Variants in PPIP5K2 observed in about 807,000 individuals in gnomAD.
PPIP5K2 encodes inositol hexakisphosphate and diphosphoinositol-pentakisphosphate kinase 2.
In PPIP5K2, 105 loss-of-function variants were observed where a neutral mutation model predicts 154.6. The observed-to-expected ratio is 0.68, with a 90% CI of 0.58 to 0.80. PPIP5K2 has a LOEUF of 0.80. Ranked by LOEUF, PPIP5K2 falls within the 30% of genes least tolerant of loss-of-function variation. PPIP5K2 has a pLI of 0.00. For synonymous variants in PPIP5K2, 480 were observed against 490.3 expected (o/e 0.98, Z 0.28); for missense variants, 992 against 1,504.6 (o/e 0.66, Z 5.64).
At position 103,207,110 on chromosome 5, in the gene PPIP5K2, T is replaced by C. The variant is rs1803559956; in HGVS notation, c.*5476T>C. On this transcript the variant is annotated 3_prime_UTR_variant, in exon 31 of 31. Transcript: ENST00000358359. ...AGCCCAGGGGGTCCTGAGCACCAGA[T>C]ACAACTCCCTCCAGAGACTGGCTGT... The C allele has an allele frequency of 6.6e-6, 1 of 152,188 alleles. No individual in the cohort carries two copies. Among genetic ancestry groups the C allele is most frequent in the Non-Finnish European group, 1.5e-5 (1 of 68,102 alleles). 9.4% of individuals were successfully genotyped at this position (152,188 alleles called of 1,614,324 possible). A position where few individuals can be genotyped will look rare whatever the true frequency, so the allele number is the denominator to read the frequency against.
At chr5:103,122,655 T>C (rs1313074013) in intron 1 of PPIP5K2, among the ~76,000 whole-genome samples, 3 of 152,204 alleles carry the variant, frequency 2.0e-5, no homozygotes, top group Non-Finnish European at 4.4e-5. Context: ...AGTGTTTCCA[T>C]TGGAAAATGC....
At chr5:103,169,085 C>A (rs1554218829) in intron 19 of PPIP5K2, among the ~76,000 whole-genome samples, 1 of 151,552 alleles carries the variant, frequency 6.6e-6, no homozygotes, top group South Asian at 2.1e-4. Context: ...GGACATGGGT[C>A]TTTTCATTAT....
intron 21 of PPIP5K2, among the ~76,000 whole-genome samples, chr5:103,175,791 G>GT (rs1798613422): frequency 6.6e-6 from 1 of 151,988 alleles, no homozygotes; most frequent in Non-Finnish European, 1.5e-5. Flanking sequence ...TGGATCTAGA[G>GT]TTTTTTGGGC....
At chr5:103,124,702 G>T (rs1554200139) in intron 1 of PPIP5K2, among the ~76,000 whole-genome samples, 8 of 152,168 alleles carry the variant, frequency 5.3e-5, no homozygotes. Context: ...GAAAATGGTA[G>T]TATTTGTACA....
In PPIP5K2 at chr5:103,127,774, C is replaced by T. The variant is rs959502473; in HGVS notation, c.-284-1532C>T. ...CAGATTAAAACAGATGTACCTGACT[C>T]CAGAACATTCCCCTTCCATTATCGA... On this transcript the variant is annotated intron_variant, in intron 1 of 30. Transcript: ENST00000358359. 2.0e-5 allele frequency among the ~76,000 whole-genome samples: 3 copies of T among 152,220 alleles called. No homozygotes were observed. The South Asian group carries it at 6.2e-4, about 32-fold the overall frequency.
At chr5:103,136,373 T>A (rs1446813841) in intron 3 of PPIP5K2, among the ~76,000 whole-genome samples, 1 of 152,214 alleles carries the variant, frequency 6.6e-6, no homozygotes, top group South Asian at 2.1e-4. Flanking sequence ...ATACATTTTT[T>A]AAAAATCACC....
At chr5:103,180,399 AT>A (rs1799327207) in intron 24 of PPIP5K2, among the ~76,000 whole-genome samples, 1 of 152,192 alleles carries the variant, frequency 6.6e-6, no homozygotes, top group African/African-American at 2.4e-5. Context: ...TATAGTTTTC[AT>A]AAAAAAAGGA....
Position 103,136,756 on chromosome 5 carries a change from C to T in PPIP5K2, c.335C>T (p.Ala112Val). 1 of 1,613,338 alleles carries T rather than the reference C, an allele frequency of 6.2e-7. No homozygotes were observed. Among genetic ancestry groups the T allele is most frequent in the Non-Finnish European group, 8.5e-7 (1 of 1,179,512 alleles). Residue 112 changes from alanine (A) to valine (V), a missense_variant, in exon 4 of 31, where the codon GCC becomes GTC. Ala to Val is a moderately conservative substitution (Grantham distance 64, BLOSUM62 0). Transcript: ENST00000358359. Reference sequence around the variant, plus strand: ...GGATTTCCACTGGACAAAGCGGTTGCCTATGCAAAACTCAGGAATCCATTT... The same window carrying T: ...GGATTTCCACTGGACAAAGCGGTTGTCTATGCAAAACTCAGGAATCCATTT... ...SKGFPLDKAV[A>V]YAKLRNPFVI... is the part of the protein sequence containing the mutation.
intron 17 of PPIP5K2, 131 bp from the exon 18 acceptor site, chr5:103,167,048 G>T (rs1281173694): frequency 1.9e-5 from 12 of 644,046 alleles, no homozygotes; most frequent in Non-Finnish European, 2.9e-5. Flanking sequence ...AGGGTCAACT[G>T]TATTTTGTGG....
At chr5:103,137,911 C>CTT (rs35649920) in intron 4 of PPIP5K2, among the ~76,000 whole-genome samples, 45,064 of 151,926 alleles carry the variant, frequency 0.3, 6,827 homozygotes, top group East Asian at 0.45. Context: ...GCCATTTAAT[C>CTT]GTCACTGTAT....
At chr5:103,161,488 C>A (rs555669235) in intron 17 of PPIP5K2, among the ~76,000 whole-genome samples, 39 of 152,238 alleles carry the variant, frequency 2.6e-4, no homozygotes, top group Non-Finnish European at 5.3e-4. Flanking sequence ...AATGGGATGG[C>A]TGGGTCAAAT....
intron 5 of PPIP5K2, among the ~76,000 whole-genome samples, chr5:103,144,581 C>G (rs1793420846): frequency 6.6e-6 from 1 of 151,930 alleles, no homozygotes; most frequent in African/African-American, 2.4e-5. Context: ...AAATATAGAC[C>G]AATGGAACAG....
In PPIP5K2 at chr5:103,207,315, A is replaced by G. The variant is rs574069484; in HGVS notation, c.*5681A>G. On this transcript the variant is annotated 3_prime_UTR_variant, in exon 31 of 31. Coordinates refer to ENST00000358359, the MANE Select transcript of PPIP5K2 (RefSeq NM_001276277.3). ...CTGTGGCAGTCAAAAATGTCTCCAG[A>G]CATTAGTAAATGTCTTTTGTGAGGG... 1 of 152,282 alleles carries G rather than the reference A, an allele frequency of 6.6e-6. No individual in the cohort carries two copies. The highest frequency in any genetic ancestry group is 2.1e-4 in the South Asian group (1 of 4,830). 9.4% of individuals were successfully genotyped at this position (152,282 alleles called of 1,614,324 possible).
At chr5:103,159,640 TTAAATC>T (rs1459553314) in intron 17 of PPIP5K2, among the ~76,000 whole-genome samples, 2 of 152,192 alleles carry the variant, frequency 1.3e-5, no homozygotes, top group Non-Finnish European at 2.9e-5. Flanking sequence ...TTTTCTAACT[TTAAATC>T]TATTGATTTT....
intron 17 of PPIP5K2, among the ~76,000 whole-genome samples, chr5:103,165,669 T>C (rs782681822): frequency 6.6e-6 from 1 of 152,080 alleles, no homozygotes; most frequent in Non-Finnish European, 1.5e-5. Flanking sequence ...AAAAAGTTTA[T>C]AGGAACAGTT....
At chr5:103,167,560 A>T (rs1361788630) in intron 18 of PPIP5K2, among the ~76,000 whole-genome samples, 10 of 151,988 alleles carry the variant, frequency 6.6e-5, no homozygotes, top group Non-Finnish European at 1.2e-4. Context: ...CAGCATTGCT[A>T]TATAGTTAAG....
chr5:103,151,523 C>A (rs553178466), intron 9 of PPIP5K2, 149 bp downstream of exon 9: 16 of 621,478 alleles, frequency 2.6e-5, no homozygotes, highest in Admixed American at 6.4e-5. Context: ...TATGCCAGAT[C>A]CTGAATTATA....
chr5:103,141,893 T>C (rs1240982428), intron 5 of PPIP5K2, among the ~76,000 whole-genome samples: 2 of 152,136 alleles, frequency 1.3e-5, no homozygotes, highest in East Asian at 1.9e-4. Flanking sequence ...AGGGTGCTGA[T>C]TGGTGTATTT....
At chr5:103,156,619 C>T (rs1486960157) in intron 14 of PPIP5K2, among the ~76,000 whole-genome samples, 3 of 152,110 alleles carry the variant, frequency 2.0e-5, no homozygotes, top group African/African-American at 2.4e-5. Flanking sequence ...GTGTTTTCTT[C>T]GTTTCTGTTT....
Sources: allele counts gnomAD v4.1 joint callset (sites outside exome capture counted in the v4.1 genomes callset), GRCh38; gene constraint gnomAD v4.1.1; transcripts MANE v1.5; gene names NCBI Gene and HGNC (gene_info 2026-07-23, HGNC 2026-07-21).